AGBL4: variants seen among roughly 807,000 people sequenced by gnomAD.
AGBL4 encodes AGBL carboxypeptidase 4, also known as cytosolic carboxypeptidase 6.
Under a neutral mutation model 66.4 loss-of-function variants are expected in AGBL4, and 58 were observed. The ratio of observed to expected loss-of-function variants is 0.87; its 90% CI spans 0.71 to 1.09. AGBL4 has a LOEUF of 1.09. Ranked by LOEUF, AGBL4 falls within the 50% of genes least tolerant of loss-of-function variation. The probability of loss-of-function intolerance (pLI) is 0.00; values close to 1 mark genes in which losing one functional copy is unlikely to be tolerated. For missense variants in AGBL4, 579 were observed against 631.0 expected, an observed-to-expected ratio of 0.92 and a Z score of 0.88; for synonymous variants, 234 against 222.9, an observed-to-expected ratio of 1.05 and a Z score of -0.44.
At chr1:48,576,198 G>A (rs988088811) in intron 11 of AGBL4, among the ~76,000 whole-genome samples, 17 of 152,158 alleles carry the variant, frequency 1.1e-4, no homozygotes, top group African/African-American at 4.1e-4. Context: ...GAACAGCACT[G>A]GCATTAGATT....
intron 2 of AGBL4, among the ~76,000 whole-genome samples, chr1:49,799,698 C>T (rs566339608): frequency 4.6e-5 from 7 of 152,068 alleles, no homozygotes; most frequent in African/African-American, 1.7e-4. Flanking sequence ...AGTGACTAAG[C>T]CAAAAAGATG....
chr1:49,048,789 T>C (rs1181035612), intron 4 of AGBL4, among the ~76,000 whole-genome samples: 8 of 151,676 alleles, frequency 5.3e-5, no homozygotes, highest in Non-Finnish European at 7.4e-5. Context: ...ATAAAAAAAT[T>C]TGAAGCCAAG....
intron 6 of AGBL4, among the ~76,000 whole-genome samples, chr1:48,699,666 T>C (rs1646770894): frequency 6.6e-6 from 1 of 152,224 alleles, no homozygotes; most frequent in Admixed American, 6.5e-5. Flanking sequence ...TTGGGGATAA[T>C]TGCAAGGCAT....
chr1:49,144,095 T>G (rs1646169347), intron 4 of AGBL4, among the ~76,000 whole-genome samples: 1 of 152,208 alleles, frequency 6.6e-6, no homozygotes, highest in African/African-American at 2.4e-5. Flanking sequence ...GCGCCTATAC[T>G]AGCAAGGCTA....
intron 2 of AGBL4, chr1:49,844,696 G>A (rs1646090762): frequency 6.3e-6 from 10 of 1,598,406 alleles, no homozygotes; most frequent in Non-Finnish European, 7.7e-6. Flanking sequence ...TTCAGACTTG[G>A]AAACTAGACC....
At chr1:48,569,856 A>G (rs1644531635) in intron 11 of AGBL4, among the ~76,000 whole-genome samples, 1 of 149,602 alleles carries the variant, frequency 6.7e-6, no homozygotes, top group African/African-American at 2.6e-5. Flanking sequence ...GTTGTAGTAA[A>G]GATTCATGCT....
At position 50,018,941 on chromosome 1, in the gene AGBL4, C is replaced by T. The variant is rs12758298; in HGVS notation, c.34+4822G>A. Among the ~76,000 whole-genome samples the T allele has an allele frequency of 2.0e-5, 3 of 151,830 alleles. No individual in the cohort carries two copies. The East Asian group carries it at 5.8e-4, about 29-fold the overall frequency. On this transcript the variant is annotated intron_variant, in intron 1 of 13. Transcript: ENST00000371839. Reference sequence around the variant, plus strand: ...AGTCCACATTCCCTTTTCCATAATTCCAAAATCACCAAATATCTAACTTTA... The same window carrying T: ...AGTCCACATTCCCTTTTCCATAATTTCAAAATCACCAAATATCTAACTTTA...
At chr1:49,801,601 T>TA (rs200379761) in intron 2 of AGBL4, among the ~76,000 whole-genome samples, 10 of 151,436 alleles carry the variant, frequency 6.6e-5, no homozygotes, top group East Asian at 1.9e-4. Context: ...ATCTCAAATA[T>TA]AAAAAAAAAG....
chr1:48,929,613 T>C (rs1387520747), intron 5 of AGBL4, among the ~76,000 whole-genome samples: 1 of 152,140 alleles, frequency 6.6e-6, no homozygotes, highest in Non-Finnish European at 1.5e-5. Flanking sequence ...AACTATAAAC[T>C]CCATTGAAGG....
At chr1:49,144,908 G>C (rs1416693030) in intron 4 of AGBL4, among the ~76,000 whole-genome samples, 2 of 152,074 alleles carry the variant, frequency 1.3e-5, no homozygotes, top group Non-Finnish European at 2.9e-5. Flanking sequence ...GGTGGTGGTG[G>C]TAACACAATC....
At chr1:49,619,996 A>G (rs879334885) in intron 3 of AGBL4, among the ~76,000 whole-genome samples, 1 of 152,176 alleles carries the variant, frequency 6.6e-6, no homozygotes, top group Admixed American at 6.5e-5. Context: ...ACTTAAACCT[A>G]AGACCTAAAA....
intron 8 of AGBL4, among the ~76,000 whole-genome samples, chr1:48,648,867 C>G (rs558573661): frequency 3.3e-5 from 5 of 152,310 alleles, no homozygotes; most frequent in African/African-American, 1.2e-4. Context: ...CAACAACATA[C>G]AGCTAAAACA....
At chr1:49,093,920 G>C (rs1645044425) in intron 4 of AGBL4, among the ~76,000 whole-genome samples, 1 of 152,140 alleles carries the variant, frequency 6.6e-6, no homozygotes, top group Admixed American at 6.6e-5. Flanking sequence ...TCATAGGATA[G>C]AGTTCATCTT....
In AGBL4 at chr1:48,730,122, C is replaced by G. The variant is rs1158947187; in HGVS notation, c.635-66881G>C. On this transcript the variant is annotated intron_variant, in intron 6 of 13. Transcript: ENST00000371839. ...TACCTAGAACTCTGTGCTCCCACAC[C>G]TGTCTCGGTTTTTCTCTCTGTCAAA... 1.4e-4 allele frequency among the ~76,000 whole-genome samples: 21 copies of G among 152,166 alleles called. 2 individuals are homozygous for G. The highest frequency in any genetic ancestry group is 1.4e-3 in the Admixed American group (21 of 15,276).
chr1:49,179,816 A>G (rs1646896430), intron 4 of AGBL4, among the ~76,000 whole-genome samples: 1 of 152,232 alleles, frequency 6.6e-6, no homozygotes, highest in African/African-American at 2.4e-5. Flanking sequence ...GCTTTCAGCC[A>G]CACTGCATGG....
chr1:49,563,531 T>A (rs1345943121), intron 3 of AGBL4, among the ~76,000 whole-genome samples: 1 of 152,170 alleles, frequency 6.6e-6, no homozygotes, highest in Non-Finnish European at 1.5e-5. Context: ...GTTGTTGAAG[T>A]TTGTCAAAGG....
At chr1:48,857,413 A>G (rs1167442388) in intron 6 of AGBL4, among the ~76,000 whole-genome samples, 1 of 152,236 alleles carries the variant, frequency 6.6e-6, no homozygotes, top group Non-Finnish European at 1.5e-5. Context: ...ATAAAGCTAT[A>G]AAATTCTTAG....
intron 6 of AGBL4, among the ~76,000 whole-genome samples, chr1:48,730,429 C>T (rs1319108113): frequency 1.3e-5 from 2 of 152,186 alleles, no homozygotes. Flanking sequence ...ACCAGAGAAT[C>T]TAAGAAGATT....
intron 1 of AGBL4, among the ~76,000 whole-genome samples, chr1:49,948,963 G>C (rs1382578501): frequency 6.6e-6 from 1 of 151,734 alleles, no homozygotes; most frequent in Non-Finnish European, 1.5e-5. Flanking sequence ...TAAGGCCATA[G>C]TCACCAAAAC....
Sources: gnomAD v4.1 joint callset for allele counts (sites outside exome capture counted in the v4.1 genomes callset) on GRCh38, gnomAD v4.1.1 for gene constraint, MANE v1.5 for transcripts, NCBI Gene and HGNC (gene_info 2026-07-23, HGNC 2026-07-21) for gene names.